DEPDC5: variants seen among roughly 807,000 people sequenced by gnomAD.
DEPDC5 encodes the protein DEP domain containing 5, GATOR1 subcomplex subunit, also known as GATOR1 complex protein DEPDC5.
DEPDC5 carries 73 observed loss-of-function variants against 217.3 expected under a neutral mutation model. That is an observed-to-expected ratio of 0.34 (90% CI 0.28 to 0.41). The LOEUF (loss-of-function observed/expected upper bound fraction) is 0.41, where lower values mean the gene tolerates loss of function less well. DEPDC5 is among the 10% of genes least tolerant of loss of function. The pLI is 1.00. For synonymous variants in DEPDC5, 733 were observed against 756.7 expected (o/e 0.97, Z 0.51); for missense variants, 1,675 against 2,070.1 (o/e 0.81, Z 3.70).
chr22:31,787,081 A>T (rs1281067912), intron 10 of DEPDC5, among the ~76,000 whole-genome samples: 1 of 151,018 alleles, frequency 6.6e-6, no homozygotes, highest in East Asian at 2.0e-4. Flanking sequence ...TGCCTAGCCT[A>T]AAAAGTTTTA....
At chr22:31,786,270 A>ATT (rs1423473110) in intron 10 of DEPDC5, among the ~76,000 whole-genome samples, 1 of 149,622 alleles carries the variant, frequency 6.7e-6, no homozygotes, top group African/African-American at 2.5e-5. Flanking sequence ...ATAAATAAAT[A>ATT]AAGAGCTAAA....
rs768141264 is a variant in DEPDC5 at position 31,766,706 on chromosome 22, C to A, written c.363+38C>A. 1.3e-6 allele frequency: 2 copies of A among 1,570,116 alleles called. 1 individual carries two copies. Among genetic ancestry groups the A allele is most frequent in the African/African-American group, 2.7e-5 (2 of 73,946 alleles). ...TTTTTTTGAAAGTCTGTTACTTTTT[C>A]CATTATGTGAATAATCCCTGTTTAT... On this transcript the variant is annotated intron_variant, in intron 6 of 42. Coordinates refer to ENST00000651528, the MANE Select transcript of DEPDC5 (RefSeq NM_001242896.3).
At chr22:31,868,357 C>T (rs1043518761) in intron 33 of DEPDC5, among the ~76,000 whole-genome samples, 4 of 152,212 alleles carry the variant, frequency 2.6e-5, no homozygotes, top group Non-Finnish European at 4.4e-5. Context: ...CAGCCCCCCA[C>T]AGCAAACAGT....
At chr22:31,790,153 C>T (rs181479375) in intron 10 of DEPDC5, among the ~76,000 whole-genome samples, 1 of 152,276 alleles carries the variant, frequency 6.6e-6, no homozygotes, top group East Asian at 1.9e-4. Context: ...CTGCTGTTTC[C>T]TAGCACTCTG....
At chr22:31,844,280 AT>A (rs2091579606) in intron 29 of DEPDC5, among the ~76,000 whole-genome samples, 1 of 152,044 alleles carries the variant, frequency 6.6e-6, no homozygotes, top group South Asian at 2.1e-4. Context: ...ACATACCCCT[AT>A]AGTCCTAGCT....
At chr22:31,796,162 G>A (rs2086225459) in intron 12 of DEPDC5, among the ~76,000 whole-genome samples, 1 of 148,294 alleles carries the variant, frequency 6.7e-6, no homozygotes, top group African/African-American at 2.5e-5. Context: ...GTGCAGTGGT[G>A]GGATCTTGGC....
intron 36 of DEPDC5, 143 bp downstream of exon 36, chr22:31,874,548 G>A: frequency 9.9e-7 from 1 of 1,005,986 alleles, no homozygotes; most frequent in Non-Finnish European, 1.4e-6. Context: ...GGCCTTTCTG[G>A]AATTGATGAA....
chr22:31,806,342 A>T, intron 18 of DEPDC5, 151 bp downstream of exon 18: 1 of 659,868 alleles, frequency 1.5e-6, no homozygotes, highest in Non-Finnish European at 2.5e-6. Flanking sequence ...GGTAGATTTC[A>T]TTAATCAGCA....
intron 21 of DEPDC5, chr22:31,815,851 T>A (rs1369936984): frequency 8.0e-6 from 9 of 1,128,392 alleles, no homozygotes; most frequent in African/African-American, 1.6e-5. Flanking sequence ...ATACTATTTT[T>A]TGTTTAGCCT....
chr22:31,850,100 T>C (rs1398885888), intron 31 of DEPDC5, among the ~76,000 whole-genome samples: 1 of 152,086 alleles, frequency 6.6e-6, no homozygotes, highest in Non-Finnish European at 1.5e-5. Flanking sequence ...GCCTGGGTGA[T>C]AGAGTGAGAC....
chr22:31,805,053 G>A, intron 17 of DEPDC5, 138 bp downstream of exon 17: 1 of 763,814 alleles, frequency 1.3e-6, no homozygotes, highest in Non-Finnish European at 2.1e-6. Flanking sequence ...TCTAACATTT[G>A]CTCAAAGCTC....
chr22:31,831,985 T>A (rs1363314124), intron 24 of DEPDC5, among the ~76,000 whole-genome samples: 1 of 152,234 alleles, frequency 6.6e-6, no homozygotes, highest in East Asian at 1.9e-4. Flanking sequence ...CCTCTGGTTT[T>A]ACCTTTCCCA....
At chr22:31,809,693 C>T (rs1415778756) in intron 19 of DEPDC5, 46 bp downstream of exon 19, 1 of 1,605,752 alleles carries the variant, frequency 6.2e-7, no homozygotes, top group Non-Finnish European at 8.5e-7. Flanking sequence ...AAAAGAGAGT[C>T]AGCTGGCTGG....
At chr22:31,890,619 G>A (rs2093420504) in intron 38 of DEPDC5, among the ~76,000 whole-genome samples, 1 of 151,878 alleles carries the variant, frequency 6.6e-6, no homozygotes, top group South Asian at 2.1e-4. Context: ...TGAGACACAA[G>A]AATCTCCTGA....
At chr22:31,791,301 C>T (rs1469160587) in intron 10 of DEPDC5, among the ~76,000 whole-genome samples, 1 of 152,096 alleles carries the variant, frequency 6.6e-6, no homozygotes. Context: ...CCTATAATTA[C>T]CTGAAGCTAT....
At chr22:31,755,986 C>G (rs563453551) in intron 2 of DEPDC5, among the ~76,000 whole-genome samples, 150 of 151,770 alleles carry the variant, frequency 9.9e-4, no homozygotes, top group African/African-American at 3.5e-3. Flanking sequence ...AATTCTTCTG[C>G]CTCAGCCTCC....
chr22:31,859,081 T>TC (rs1316110177), intron 32 of DEPDC5: 5 of 92,192 alleles, frequency 5.4e-5, no homozygotes, highest in Admixed American at 9.7e-5. Context: ...ATTCCTTTGT[T>TC]TTTTTTTTTT....
intron 29 of DEPDC5, 113 bp from the exon 30 acceptor site, chr22:31,844,905 C>T: frequency 1.9e-6 from 2 of 1,055,578 alleles, no homozygotes; most frequent in South Asian, 1.3e-5. Flanking sequence ...CAAATGAGCA[C>T]ATACTCATGG....
intron 12 of DEPDC5, among the ~76,000 whole-genome samples, chr22:31,795,508 C>T (rs2086142761): frequency 6.6e-6 from 1 of 152,076 alleles, no homozygotes; most frequent in Admixed American, 6.6e-5. Flanking sequence ...ATTCTCCTGC[C>T]TCAGCCTCCT....
Sources: gnomAD v4.1 joint callset for allele counts (sites outside exome capture counted in the v4.1 genomes callset) on GRCh38, gnomAD v4.1.1 for gene constraint, MANE v1.5 for transcripts, NCBI Gene and HGNC (gene_info 2026-07-23, HGNC 2026-07-21) for gene names.